The following GLCCI1 variants were observed in gnomAD, a reference collection of about 807,000 sequenced individuals.
GLCCI1 encodes the protein glucocorticoid induced 1.
A neutral mutation model predicts 52.2 loss-of-function variants in GLCCI1; 24 were observed. The observed-to-expected ratio is 0.46, with a 90% confidence interval of 0.33 to 0.65. GLCCI1 has a LOEUF of 0.65. Ranked by LOEUF, GLCCI1 falls within the 30% of genes least tolerant of loss-of-function variation. GLCCI1 has a pLI of 0.02. For synonymous variants in GLCCI1, 310 were observed against 276.5 expected (o/e 1.12, Z -1.20); for missense variants, 704 against 701.5 (o/e 1.00, Z -0.04).
At chr7:7,982,178 G>A (rs1421753508) in intron 1 of GLCCI1, 4 of 291,966 alleles carry the variant, frequency 1.4e-5, no homozygotes, top group Non-Finnish European at 2.8e-5. Flanking sequence ...AAAAGAGACT[G>A]AAGCAGAAAT....
rs138303012 is a variant in GLCCI1, at chr7:8,063,198, C to T, written c.966+2950C>T. 6.6e-3 allele frequency among the ~76,000 whole-genome samples: 1,008 copies of T among 152,238 alleles called. 18 individuals carry two copies. The highest frequency in any genetic ancestry group is 0.022 in the African/African-American group (928 of 41,528). ...TGTTGCCCAGGTTGGAGTGCAATGGCGTGATCTTGGCTTACTGCAACTTCT... is the reference window on the plus strand; with the variant it reads ...TGTTGCCCAGGTTGGAGTGCAATGGTGTGATCTTGGCTTACTGCAACTTCT... On this transcript the variant is annotated intron_variant, in intron 5 of 7. Transcript: ENST00000223145.
intron 1 of GLCCI1, among the ~76,000 whole-genome samples, chr7:7,990,254 C>T (rs1260674480): frequency 6.6e-6 from 1 of 152,022 alleles, no homozygotes. Context: ...TTAGGGTGAA[C>T]AGTGCTCTTT....
intron 3 of GLCCI1, among the ~76,000 whole-genome samples, chr7:8,029,289 A>G (rs986050379): frequency 7.2e-5 from 11 of 152,210 alleles, no homozygotes; most frequent in African/African-American, 2.7e-4. Context: ...GGATGCAAAG[A>G]TGGTTCAACA....
chr7:7,983,019 G>T (rs976171197), intron 1 of GLCCI1, among the ~76,000 whole-genome samples: 2 of 152,058 alleles, frequency 1.3e-5, no homozygotes, highest in African/African-American at 2.4e-5. Context: ...TAGGACACTT[G>T]CCCCGTTGTA....
At chr7:8,031,121 A>G (rs1030534728) in intron 3 of GLCCI1, among the ~76,000 whole-genome samples, 5 of 152,208 alleles carry the variant, frequency 3.3e-5, no homozygotes, top group African/African-American at 1.2e-4. Flanking sequence ...ACAATAGCCA[A>G]GATTTGGAAG....
chr7:8,005,785 T>C (rs974587162), intron 2 of GLCCI1, among the ~76,000 whole-genome samples: 2 of 150,898 alleles, frequency 1.3e-5, no homozygotes. Context: ...TTATCTAGTT[T>C]TTTTTTTGTT....
chr7:7,969,518 A>T lies in GLCCI1; in HGVS notation c.168A>T (p.Gly56=). 1.9e-6 allele frequency: 1 copy of T among 539,270 alleles called. No individual in the cohort carries two copies. The highest frequency in any genetic ancestry group is 2.3e-6 in the Non-Finnish European group (1 of 427,026). The allele number at this position is 539,270 out of a possible 1,614,324, so 33.4% of individuals were successfully genotyped here. Residue 56 remains glycine (G), a synonymous_variant, in exon 1 of 8, where the codon GGA becomes GGT. Transcript: ENST00000223145. The surrounding 1 kb of genome is among the most constrained non-coding windows in gnomAD (Gnocchi z 4.9). The part of the protein sequence containing the change: ...GGGVGCAPAA[G]AGRLLQPIRA... ...GCGTGGGCTGCGCCCCGGCTGCGGG[A>T]GCCGGCCGGCTGCTGCAGCCCATCC...
rs964155628 is a variant in GLCCI1 at position 8,087,075 on chromosome 7, C to T, written c.*537C>T. ...TCAGTTGAAGTCTAAACTCAGGTAACTTGGAATGTATATCATATTGGGATA... is the reference window on the plus strand; with the variant it reads ...TCAGTTGAAGTCTAAACTCAGGTAATTTGGAATGTATATCATATTGGGATA... On this transcript the variant is annotated 3_prime_UTR_variant, in exon 8 of 8. Coordinates refer to ENST00000223145, the MANE Select transcript of GLCCI1 (RefSeq NM_138426.4). 1 of 152,168 alleles carries T rather than the reference C, an allele frequency of 6.6e-6. No individual in the cohort carries two copies. The highest frequency in any genetic ancestry group is 6.6e-5 in the Admixed American group (1 of 15,224). The allele number at this position is 152,168 out of a possible 1,614,324, so 9.4% of individuals were successfully genotyped here. A position where few individuals can be genotyped will look rare whatever the true frequency, so the allele number is the denominator to read the frequency against.
At chr7:8,016,062 C>T (rs895500050) in intron 2 of GLCCI1, among the ~76,000 whole-genome samples, 1 of 152,204 alleles carries the variant, frequency 6.6e-6, no homozygotes, top group African/African-American at 2.4e-5. Flanking sequence ...TTGACTTATA[C>T]ATTGGTTCTC....
chr7:8,065,075 A>G (rs1322690503), intron 5 of GLCCI1, among the ~76,000 whole-genome samples: 1 of 152,076 alleles, frequency 6.6e-6, no homozygotes, highest in Non-Finnish European at 1.5e-5. Flanking sequence ...ATGTTTTTCT[A>G]TCTGATACTG....
chr7:8,062,804 T>C (rs902101688), intron 5 of GLCCI1, among the ~76,000 whole-genome samples: 1 of 152,228 alleles, frequency 6.6e-6, no homozygotes, highest in African/African-American at 2.4e-5. Flanking sequence ...ATGGTCTTAC[T>C]CTTTTTATGG....
At chr7:8,042,856 A>T (rs1583995063) in intron 3 of GLCCI1, among the ~76,000 whole-genome samples, 6 of 152,226 alleles carry the variant, frequency 3.9e-5, no homozygotes, top group Admixed American at 3.9e-4. Flanking sequence ...GTTTGAGAGG[A>T]TTGACTCCAA....
At chr7:7,978,390 T>G (rs1037292136) in intron 1 of GLCCI1, among the ~76,000 whole-genome samples, 4 of 152,324 alleles carry the variant, frequency 2.6e-5, no homozygotes, top group African/African-American at 9.6e-5. Context: ...TATACAACAC[T>G]GTCATGGCAA....
chr7:7,969,356 C>T lies in GLCCI1; in HGVS notation c.6C>T (p.Ser2=), dbSNP rs1583931644. Residue 2 remains serine (S), a synonymous_variant, in exon 1 of 8, where the codon TCC becomes TCT. Coordinates refer to ENST00000223145, the MANE Select transcript of GLCCI1 (RefSeq NM_138426.4). The surrounding 1 kb of genome is among the most constrained non-coding windows in gnomAD (Gnocchi z 4.9). ...CCAGGGCCCGCAGAGCCACCATGTC[C>T]ACTGCCTCCTCCTCCTCCTCCTCCA... M[S]TASSSSSSSS... The T allele has an allele frequency of 2.0e-6, 3 of 1,494,476 alleles. No individual in the cohort carries two copies. The highest frequency in any genetic ancestry group is 1.4e-5 in the African/African-American group (1 of 69,194). 92.6% of individuals were successfully genotyped at this position (1,494,476 alleles called of 1,614,324 possible).
At chr7:8,051,195 T>A (rs542175178) in intron 3 of GLCCI1, among the ~76,000 whole-genome samples, 1 of 152,356 alleles carries the variant, frequency 6.6e-6, no homozygotes, top group South Asian at 2.1e-4. Context: ...GGAATATCCC[T>A]TTACATAAAG....
At chr7:8,068,103 G>T (rs978546540) in intron 5 of GLCCI1, among the ~76,000 whole-genome samples, 1 of 152,096 alleles carries the variant, frequency 6.6e-6, no homozygotes, top group Non-Finnish European at 1.5e-5. Context: ...TATAATCCTA[G>T]CACTTTGGGA....
At chr7:8,058,878 CTT>C (rs1423549244) in intron 4 of GLCCI1, among the ~76,000 whole-genome samples, 1 of 152,142 alleles carries the variant, frequency 6.6e-6, no homozygotes, top group Non-Finnish European at 1.5e-5. Flanking sequence ...AAAATAGTCA[CTT>C]AACATATTTT....
At position 8,086,069 on chromosome 7, in the gene GLCCI1, A is replaced by G; in HGVS notation, c.1299-124A>G. 2.6e-6 allele frequency: 2 copies of G among 766,454 alleles called. No homozygotes were observed. The highest frequency in any genetic ancestry group is 4.2e-6 in the Non-Finnish European group (2 of 470,902). The allele number at this position is 766,454 out of a possible 1,614,324, so 47.5% of individuals were successfully genotyped here. ...CTATGGAAGATGTTTACCCCTCTGT[A>G]TACACTTAACCCATCTCCTGCCATT... On this transcript the variant is annotated intron_variant, in intron 7 of 7. Coordinates refer to ENST00000223145, the MANE Select transcript of GLCCI1 (RefSeq NM_138426.4). This position sits in a 1 kb window ranked among gnomAD's most constrained non-coding sequence, Gnocchi z 4.4.
At chr7:8,014,118 T>C (rs1048665698) in intron 2 of GLCCI1, among the ~76,000 whole-genome samples, 5 of 151,974 alleles carry the variant, frequency 3.3e-5, no homozygotes, top group Admixed American at 6.6e-5. Flanking sequence ...GCCTCCCGAG[T>C]AGCTGGAATT....
Sources: allele counts gnomAD v4.1 joint callset (sites outside exome capture counted in the v4.1 genomes callset), GRCh38; gene constraint gnomAD v4.1.1; non-coding constraint Gnocchi (gnomAD v3.1); transcripts MANE v1.5; gene names NCBI Gene and HGNC (gene_info 2026-07-23, HGNC 2026-07-21).